SLC5A12: variants seen among roughly 807,000 people sequenced by gnomAD.
The protein encoded by SLC5A12 is sodium-coupled monocarboxylate transporter 2.
In SLC5A12, 46 loss-of-function variants were observed where a neutral mutation model predicts 72.7. The ratio of observed to expected loss-of-function variants is 0.63; its 90% CI spans 0.50 to 0.81. The LOEUF (loss-of-function observed/expected upper bound fraction) is 0.81. Ranked by LOEUF, SLC5A12 falls within the 30% of genes least tolerant of loss-of-function variation. SLC5A12 has a pLI of 0.00. For synonymous variants in SLC5A12, 275 were observed against 264.4 expected (o/e 1.04, Z -0.39); for missense variants, 683 against 740.7 (o/e 0.92, Z 0.90).
At chr11:26,693,054 A>G (rs1854721532) in intron 8 of SLC5A12, among the ~76,000 whole-genome samples, 1 of 152,200 alleles carries the variant, frequency 6.6e-6, no homozygotes, top group Non-Finnish European at 1.5e-5. Context: ...GGTATCAAGC[A>G]TACAATGGTG....
intron 4 of SLC5A12, among the ~76,000 whole-genome samples, chr11:26,707,957 T>C (rs1855129686): frequency 6.6e-6 from 1 of 151,908 alleles, no homozygotes. Flanking sequence ...CCAAGGATTC[T>C]AGCTTAATGT....
Position 26,721,779 on chromosome 11 carries a change from G to A in SLC5A12, c.-65C>T. The A allele has an allele frequency of 7.0e-7, 1 of 1,424,946 alleles. No individual in the cohort carries two copies. Among genetic ancestry groups the A allele is most frequent in the Non-Finnish European group, 9.7e-7 (1 of 1,033,296 alleles). 88.3% of individuals were successfully genotyped at this position (1,424,946 alleles called of 1,614,324 possible). ...TCTCAGGAAGAAGATGTTTCCAAAA[G>A]CAAAGTTCAGTACAGTGGATGCTTT... On this transcript the variant is annotated 5_prime_UTR_variant, in exon 1 of 15. Transcript: ENST00000396005.
chr11:26,706,896 C>A (rs979355470), intron 4 of SLC5A12, among the ~76,000 whole-genome samples: 2 of 150,880 alleles, frequency 1.3e-5, no homozygotes, highest in African/African-American at 2.4e-5. Flanking sequence ...TAATGGTTAT[C>A]ATTTCATACC....
At chr11:26,681,306 G>A in intron 11 of SLC5A12, 85 bp from the exon 12 acceptor site, 2 of 1,164,680 alleles carry the variant, frequency 1.7e-6, no homozygotes, top group Non-Finnish European at 1.1e-6. Context: ...CTATGCCTTA[G>A]AGATTCTGGC....
chr11:26,674,986 T>A lies in SLC5A12; in HGVS notation c.1580-1457A>T, dbSNP rs561033735. Reference sequence around the variant, plus strand: ...AAGTATACATTTAGTTAAACATATGTGATCTCACACTCTGTAACGCTCCAT... The same window carrying A: ...AAGTATACATTTAGTTAAACATATGAGATCTCACACTCTGTAACGCTCCAT... On this transcript the variant is annotated intron_variant, in intron 13 of 14. Coordinates refer to ENST00000396005, the MANE Select transcript of SLC5A12 (RefSeq NM_178498.4). Among the ~76,000 whole-genome samples, 20 of 152,318 alleles carry A rather than the reference T, an allele frequency of 1.3e-4. 1 individual carries two copies. Among genetic ancestry groups the A allele is most frequent in the African/African-American group, 4.6e-4 (19 of 41,580 alleles).
rs756818416 is a variant in SLC5A12, at chr11:26,673,391, C to A, written c.1707+11G>T. 4.5e-6 allele frequency: 7 copies of A among 1,540,220 alleles called. No individual in the cohort carries two copies. The Admixed American group carries it at 1.4e-4, about 31-fold the overall frequency. On this transcript the variant is annotated intron_variant, in intron 14 of 14. Coordinates refer to ENST00000396005, the MANE Select transcript of SLC5A12 (RefSeq NM_178498.4). ...CCATACACATTTTTAGAAGCTCAAA[C>A]ATCAGCTCACCTGCTCTGTCCCACT...
At chr11:26,697,330 T>C (rs946416482) in intron 7 of SLC5A12, 78 bp from the exon 8 acceptor site, 54 of 1,275,620 alleles carry the variant, frequency 4.2e-5, no homozygotes, top group Non-Finnish European at 5.6e-5. Flanking sequence ...GAGAAAAAAA[T>C]AGGATTAGTG....
chr11:26,686,907 C>T (rs928425255), intron 9 of SLC5A12, among the ~76,000 whole-genome samples: 4 of 152,154 alleles, frequency 2.6e-5, no homozygotes, highest in African/African-American at 9.7e-5. Flanking sequence ...CAACCACCCT[C>T]CAGCAAGGAG....
chr11:26,673,650 G>A, intron 13 of SLC5A12, 121 bp from the exon 14 acceptor site: 1 of 1,292,944 alleles, frequency 7.7e-7, no homozygotes, highest in Non-Finnish European at 1.0e-6. Context: ...AAACAAGATT[G>A]AGTGGTTAAT....
intron 6 of SLC5A12, 59 bp downstream of exon 6, chr11:26,703,472 T>C (rs918898840): frequency 1.3e-6 from 2 of 1,548,956 alleles, no homozygotes; most frequent in African/African-American, 2.7e-5. Context: ...TATTAATATA[T>C]AATAAGTACC....
intron 13 of SLC5A12, among the ~76,000 whole-genome samples, chr11:26,674,345 C>T (rs1854215258): frequency 6.8e-6 from 1 of 147,420 alleles, no homozygotes; most frequent in Admixed American, 6.9e-5. Flanking sequence ...TGTGACCATC[C>T]ACAAACTTTT....
At chr11:26,697,381 T>C (rs187799221) in intron 7 of SLC5A12, 129 bp from the exon 8 acceptor site, 3 of 731,370 alleles carry the variant, frequency 4.1e-6, no homozygotes, top group Admixed American at 3.1e-5. Flanking sequence ...CATAGCTGTT[T>C]AGCAAAAGGA....
Position 26,721,940 on chromosome 11 carries a change from C to A in SLC5A12, c.-226G>T. ...GAAGAATCTGGTGGTGGTATTGGCA[C>A]CAAGAGATGAGAATTTGAAATCTGA... is the stretch of plus-strand genomic sequence containing the variant. On this transcript the variant is annotated 5_prime_UTR_variant, in exon 1 of 15. Transcript: ENST00000396005. 1 of 531,346 alleles carries A rather than the reference C, an allele frequency of 1.9e-6. No homozygotes were observed. The allele number at this position is 531,346 out of a possible 1,614,324, so 32.9% of individuals were successfully genotyped here.
rs911313571 is a variant in SLC5A12 at position 26,711,438 on chromosome 11, G to A, written c.406-80C>T. 93 of 1,054,474 alleles carry A rather than the reference G, an allele frequency of 8.8e-5. No individual in the cohort carries two copies. In the South Asian group the frequency reaches 1.0e-3, roughly 11 times the overall value. The allele number at this position is 1,054,474 out of a possible 1,614,324, so 65.3% of individuals were successfully genotyped here. A position where few individuals can be genotyped will look rare whatever the true frequency, so the allele number is the denominator to read the frequency against. ...ACTGCCTAGAAAGTTCTTTATCGACGTTAGACTTGTATTCTCTTCAACTTG... is the reference window on the plus strand; with the variant it reads ...ACTGCCTAGAAAGTTCTTTATCGACATTAGACTTGTATTCTCTTCAACTTG... On this transcript the variant is annotated intron_variant, in intron 2 of 14. Transcript: ENST00000396005.
chr11:26,683,318 C>T lies in SLC5A12; in HGVS notation c.1308+439G>A, dbSNP rs768006004. The stretch of plus-strand genomic sequence containing the variant: ...TCAGAACCCAAGTTTGTCCCTTCTC[C>T]CCTACATAAATTAGTTAATTAATTT... On this transcript the variant is annotated intron_variant, in intron 11 of 14. Transcript: ENST00000396005. 4.5e-4 allele frequency among the ~76,000 whole-genome samples: 68 copies of T among 152,070 alleles called. 1 individual carries two copies. The highest frequency in any genetic ancestry group is 2.7e-3 in the Admixed American group (41 of 15,260).
intron 1 of SLC5A12, among the ~76,000 whole-genome samples, chr11:26,718,066 A>G (rs1445696277): frequency 6.6e-6 from 1 of 152,138 alleles, no homozygotes; most frequent in Non-Finnish European, 1.5e-5. Flanking sequence ...AAGAGACTCC[A>G]CCTCTTTCAG....
intron 13 of SLC5A12, among the ~76,000 whole-genome samples, chr11:26,676,830 G>A (rs902143571): frequency 6.6e-6 from 1 of 152,056 alleles, no homozygotes; most frequent in Non-Finnish European, 1.5e-5. Context: ...GATTCTATGT[G>A]TCAACATGTA....
chr11:26,684,152 C>T (rs1025316868), intron 10 of SLC5A12, among the ~76,000 whole-genome samples: 7 of 151,950 alleles, frequency 4.6e-5, no homozygotes, highest in African/African-American at 1.7e-4. Context: ...AATATAAGGT[C>T]ATAGAACCAA....
chr11:26,703,470 T>C (rs1590731334), intron 6 of SLC5A12, 61 bp downstream of exon 6: 1 of 1,531,218 alleles, frequency 6.5e-7, no homozygotes, highest in Non-Finnish European at 8.9e-7. Flanking sequence ...AGTATTAATA[T>C]ATAATAAGTA....
Sources: gnomAD v4.1 joint callset for allele counts (sites outside exome capture counted in the v4.1 genomes callset) on GRCh38, gnomAD v4.1.1 for gene constraint, MANE v1.5 for transcripts, NCBI Gene and HGNC (gene_info 2026-07-23, HGNC 2026-07-21) for gene names.